Variants in SH3GL2 observed in about 807,000 individuals in gnomAD.
The protein encoded by SH3GL2 is endophilin-A1.
SH3GL2 carries 24 observed loss-of-function variants against 46.0 expected under a neutral mutation model. That is an observed-to-expected ratio of 0.52 (90% CI 0.38 to 0.73). The LOEUF (loss-of-function observed/expected upper bound fraction) is 0.73, where lower values mean the gene tolerates loss of function less well. Ranked by LOEUF, SH3GL2 falls within the 30% of genes least tolerant of loss-of-function variation. The pLI is 0.00. For missense variants in SH3GL2, 413 were observed against 424.2 expected (o/e 0.97, Z 0.23); for synonymous variants, 196 against 147.1 (o/e 1.33, Z -2.40).
chr9:17,712,397 A>G (rs1490827024), intron 1 of SH3GL2, among the ~76,000 whole-genome samples: 1 of 151,872 alleles, frequency 6.6e-6, no homozygotes, highest in African/African-American at 2.4e-5. Context: ...ACCCAAGTTT[A>G]CAAAGATTTT....
In SH3GL2 at chr9:17,589,285, C is replaced by T. The variant is rs1818434747; in HGVS notation, c.45+9998C>T. On this transcript the variant is annotated intron_variant, in intron 1 of 8. Coordinates refer to ENST00000380607, the MANE Select transcript of SH3GL2 (RefSeq NM_003026.5). ...AGCCCAAGCAATCCTCCCACCTCAGCCTCCAGAGTAGTGGGACTATAGGCG... is the reference window on the plus strand; with the variant it reads ...AGCCCAAGCAATCCTCCCACCTCAGTCTCCAGAGTAGTGGGACTATAGGCG... 6 of 152,336 alleles carry T rather than the reference C, an allele frequency of 3.9e-5. No individual in the cohort carries two copies. The South Asian group carries it at 1.2e-3, about 32-fold the overall frequency. The allele number at this position is 152,336 out of a possible 1,614,324, so 9.4% of individuals were successfully genotyped here.
chr9:17,639,460 T>C (rs10963177), intron 1 of SH3GL2, among the ~76,000 whole-genome samples: 36,048 of 152,124 alleles, frequency 0.24, 4,873 homozygotes, highest in East Asian at 0.46. Flanking sequence ...AGGAAATGCA[T>C]ATTAAAGCCA....
At chr9:17,651,197 A>AT (rs1326095992) in intron 1 of SH3GL2, among the ~76,000 whole-genome samples, 1 of 151,944 alleles carries the variant, frequency 6.6e-6, no homozygotes, top group Non-Finnish European at 1.5e-5. Context: ...TGTCTAAGCC[A>AT]TTTTTTTCTC....
chr9:17,731,986 A>G (rs1429252930), intron 1 of SH3GL2, among the ~76,000 whole-genome samples: 1 of 152,142 alleles, frequency 6.6e-6, no homozygotes, highest in African/African-American at 2.4e-5. Flanking sequence ...CTGACCTGTG[A>G]TGGCAGAGGA....
At chr9:17,715,964 T>C (rs1428757237) in intron 1 of SH3GL2, among the ~76,000 whole-genome samples, 1 of 152,060 alleles carries the variant, frequency 6.6e-6, no homozygotes, top group African/African-American at 2.4e-5. Flanking sequence ...TGTGTGGGTG[T>C]TCAAAGTATT....
chr9:17,649,667 A>T (rs982850185), intron 1 of SH3GL2, among the ~76,000 whole-genome samples: 3 of 152,226 alleles, frequency 2.0e-5, no homozygotes, highest in Non-Finnish European at 1.5e-5. Context: ...GAGGCAACAA[A>T]ATTTTTCTTT....
chr9:17,696,996 T>C (rs1821219935), intron 1 of SH3GL2, among the ~76,000 whole-genome samples: 1 of 152,054 alleles, frequency 6.6e-6, no homozygotes, highest in African/African-American at 2.4e-5. Context: ...GATGCCCTTC[T>C]GGGAGGATGT....
chr9:17,745,834 A>G (rs1322004967), intron 1 of SH3GL2, among the ~76,000 whole-genome samples: 1 of 152,148 alleles, frequency 6.6e-6, no homozygotes, highest in African/African-American at 2.4e-5. Flanking sequence ...CCCTCAACCT[A>G]GCTGCTATTG....
intron 1 of SH3GL2, among the ~76,000 whole-genome samples, chr9:17,600,808 G>A (rs1241494329): frequency 6.6e-6 from 1 of 152,194 alleles, no homozygotes; most frequent in Non-Finnish European, 1.5e-5. Flanking sequence ...CTCATTGTCT[G>A]AGGTGAGAAA....
intron 1 of SH3GL2, among the ~76,000 whole-genome samples, chr9:17,689,074 G>A (rs1407195837): frequency 6.6e-6 from 1 of 152,070 alleles, no homozygotes; most frequent in Non-Finnish European, 1.5e-5. Context: ...GATAAATCAT[G>A]TTGATAGTGT....
At chr9:17,721,686 A>G (rs1821897243) in intron 1 of SH3GL2, among the ~76,000 whole-genome samples, 1 of 152,044 alleles carries the variant, frequency 6.6e-6, no homozygotes, top group South Asian at 2.1e-4. Context: ...CTCACTATAT[A>G]TTTGTAGCTT....
At chr9:17,609,785 G>A (rs1409400383) in intron 1 of SH3GL2, among the ~76,000 whole-genome samples, 1 of 152,332 alleles carries the variant, frequency 6.6e-6, no homozygotes, top group Admixed American at 6.5e-5. Context: ...TCCCCCTTGA[G>A]AAGGGCATGT....
chr9:17,612,078 G>T (rs1361141667), intron 1 of SH3GL2, among the ~76,000 whole-genome samples: 1 of 152,192 alleles, frequency 6.6e-6, no homozygotes, highest in Non-Finnish European at 1.5e-5. Flanking sequence ...AGGTTGCCTA[G>T]CAGCAGAGCT....
chr9:17,648,951 C>A (rs560629657), intron 1 of SH3GL2, among the ~76,000 whole-genome samples: 1 of 152,296 alleles, frequency 6.6e-6, no homozygotes, highest in South Asian at 2.1e-4. Flanking sequence ...AGCACTGTTC[C>A]ATCAGGGATC....
At chr9:17,605,261 G>C (rs1161454102) in intron 1 of SH3GL2, among the ~76,000 whole-genome samples, 1 of 152,112 alleles carries the variant, frequency 6.6e-6, no homozygotes, top group East Asian at 1.9e-4. Flanking sequence ...TTACAGACAA[G>C]AGCTACTGCA....
At chr9:17,598,344 C>T (rs193229180) in intron 1 of SH3GL2, among the ~76,000 whole-genome samples, 1 of 152,318 alleles carries the variant, frequency 6.6e-6, no homozygotes, top group East Asian at 1.9e-4. Flanking sequence ...CATGGAACAT[C>T]TCCAGCTGGA....
At chr9:17,736,935 A>G (rs1822353854) in intron 1 of SH3GL2, among the ~76,000 whole-genome samples, 1 of 152,146 alleles carries the variant, frequency 6.6e-6, no homozygotes, top group African/African-American at 2.4e-5. Context: ...CACAATAGCA[A>G]AGACTTGGAA....
At chr9:17,632,776 G>A (rs906677717) in intron 1 of SH3GL2, among the ~76,000 whole-genome samples, 1 of 152,100 alleles carries the variant, frequency 6.6e-6, no homozygotes, top group East Asian at 1.9e-4. Flanking sequence ...AACACATCCC[G>A]AAGATTTTGT....
chr9:17,688,085 C>T (rs1820969856), intron 1 of SH3GL2, among the ~76,000 whole-genome samples: 1 of 151,990 alleles, frequency 6.6e-6, no homozygotes, highest in African/African-American at 2.4e-5. Context: ...TCATCTTTTC[C>T]AGTCTCTGTC....
Sources: gnomAD v4.1 joint callset for allele counts (sites outside exome capture counted in the v4.1 genomes callset) on GRCh38, gnomAD v4.1.1 for gene constraint, MANE v1.5 for transcripts, NCBI Gene and HGNC (gene_info 2026-07-23, HGNC 2026-07-21) for gene names.